The following SPPL2A variants were observed in gnomAD, a reference collection of about 807,000 sequenced individuals.
SPPL2A encodes signal peptide peptidase like 2A, also known as signal peptide peptidase-like 2A.
SPPL2A carries 51 observed loss-of-function variants against 63.8 expected under a neutral mutation model. The ratio of observed to expected loss-of-function variants is 0.80; its 90% CI spans 0.64 to 1.01. The LOEUF (loss-of-function observed/expected upper bound fraction) is 1.01, where lower values mean the gene tolerates loss of function less well. SPPL2A is among the 50% of genes least tolerant of loss of function. SPPL2A has a pLI of 0.00. For synonymous variants in SPPL2A, 188 were observed against 205.8 expected (o/e 0.91, Z 0.74); for missense variants, 553 against 622.7 (o/e 0.89, Z 1.19).
rs577748529 is a variant in SPPL2A at position 50,750,887 on chromosome 15, A to C, written c.67-1141T>G. Among the ~76,000 whole-genome samples the C allele has an allele frequency of 3.3e-5, 5 of 152,364 alleles. 1 individual carries two copies. The South Asian group carries it at 1.0e-3, about 32-fold the overall frequency. Reference sequence around the variant, plus strand: ...AATGCTTGGCAAATGTTGATGTACTAAGCTTCTGCCACCAAAGCACATTAT... The same window carrying C: ...AATGCTTGGCAAATGTTGATGTACTCAGCTTCTGCCACCAAAGCACATTAT... On this transcript the variant is annotated intron_variant, in intron 1 of 14. Coordinates refer to ENST00000261854, the MANE Select transcript of SPPL2A (RefSeq NM_032802.4).
At chr15:50,761,808 C>T (rs2063013788) in intron 1 of SPPL2A, among the ~76,000 whole-genome samples, 1 of 151,048 alleles carries the variant, frequency 6.6e-6, no homozygotes. Flanking sequence ...TCACGACGTG[C>T]ACCTGTAATC....
At chr15:50,720,274 T>A (rs1156240909) in intron 13 of SPPL2A, among the ~76,000 whole-genome samples, 174 bp from the exon 14 acceptor site, 1 of 152,182 alleles carries the variant, frequency 6.6e-6, no homozygotes, top group Non-Finnish European at 1.5e-5. Flanking sequence ...CTATGGAGCT[T>A]TTGAAAAATG....
chr15:50,711,035 T>G (rs529940997), intron 14 of SPPL2A, among the ~76,000 whole-genome samples: 43 of 152,308 alleles, frequency 2.8e-4, no homozygotes, highest in African/African-American at 1.0e-3. Flanking sequence ...GAAAAAAGTA[T>G]CTTTATTTGC....
chr15:50,713,263 TG>T (rs1411095302), intron 14 of SPPL2A, among the ~76,000 whole-genome samples: 2 of 151,344 alleles, frequency 1.3e-5, no homozygotes, highest in African/African-American at 4.9e-5. Flanking sequence ...TACTCTTTCC[TG>T]AGTATTTTTT....
intron 9 of SPPL2A, among the ~76,000 whole-genome samples, 177 bp downstream of exon 9, chr15:50,732,426 G>C (rs1019945964): frequency 3.3e-5 from 5 of 152,134 alleles, no homozygotes; most frequent in Non-Finnish European, 5.9e-5. Context: ...GCTTTTGGAA[G>C]AGATGAGAAA....
chr15:50,758,837 G>A (rs1053465224), intron 1 of SPPL2A, among the ~76,000 whole-genome samples: 16 of 152,162 alleles, frequency 1.1e-4, no homozygotes, highest in African/African-American at 2.4e-4. Context: ...TTTCATAAAC[G>A]GACCAAATTC....
At chr15:50,763,641 G>A (rs1185932018) in intron 1 of SPPL2A, among the ~76,000 whole-genome samples, 4 of 152,206 alleles carry the variant, frequency 2.6e-5, no homozygotes, top group Non-Finnish European at 5.9e-5. Context: ...GCTCACGCCT[G>A]TAATCCCAGC....
In SPPL2A at chr15:50,707,353, G is replaced by A. The variant is rs978177217; in HGVS notation, c.*447C>T. 8 of 152,970 alleles carry A rather than the reference G, an allele frequency of 5.2e-5. No homozygotes were observed. The highest frequency in any genetic ancestry group is 2.1e-4 in the South Asian group (1 of 4,868). The allele number at this position is 152,970 out of a possible 1,614,324, so 9.5% of individuals were successfully genotyped here. ...AGGATGGTCTCGATCTCCTGACCTCGTGATCCGCCCGCCTTGGCCTCCCAA... is the reference window on the plus strand; with the variant it reads ...AGGATGGTCTCGATCTCCTGACCTCATGATCCGCCCGCCTTGGCCTCCCAA... On this transcript the variant is annotated 3_prime_UTR_variant, in exon 15 of 15. Transcript: ENST00000261854.
chr15:50,738,714 T>G lies in SPPL2A; in HGVS notation c.733+966A>C, dbSNP rs1173628157. Among the ~76,000 whole-genome samples the G allele has an allele frequency of 3.9e-5, 6 of 152,092 alleles. No individual in the cohort carries two copies. The East Asian group carries it at 1.2e-3, about 29-fold the overall frequency. Reference sequence around the variant, plus strand: ...ACTCCTTTTACCCTGGTCTCCCTTCTCTTTGTGCTGTATACTGTCCAGGGA... The same window carrying G: ...ACTCCTTTTACCCTGGTCTCCCTTCGCTTTGTGCTGTATACTGTCCAGGGA... On this transcript the variant is annotated intron_variant, in intron 6 of 14. Transcript: ENST00000261854.
intron 4 of SPPL2A, 87 bp downstream of exon 4, chr15:50,748,026 T>C (rs2062873050): frequency 1.2e-5 from 7 of 584,536 alleles, no homozygotes; most frequent in Non-Finnish European, 1.6e-5. Context: ...ATGGAGCAAA[T>C]ATAACACTCA....
chr15:50,709,076 T>C (rs1336553285), intron 14 of SPPL2A, among the ~76,000 whole-genome samples: 2 of 151,746 alleles, frequency 1.3e-5, no homozygotes, highest in Non-Finnish European at 2.9e-5. Flanking sequence ...TTTTCTCAAA[T>C]GGTCACTTCA....
chr15:50,720,766 C>T (rs1196361938), intron 13 of SPPL2A, among the ~76,000 whole-genome samples: 5 of 151,928 alleles, frequency 3.3e-5, no homozygotes, highest in East Asian at 1.9e-4. Context: ...GTGATCCACC[C>T]GCTTCAGCCT....
At chr15:50,714,646 AAATT>A (rs1567149080) in intron 14 of SPPL2A, among the ~76,000 whole-genome samples, 1 of 149,420 alleles carries the variant, frequency 6.7e-6, no homozygotes, top group Non-Finnish European at 1.5e-5. Flanking sequence ...AAAAAAAAAA[AAATT>A]TTTTTTCTTG....
rs984610634 is a variant in SPPL2A at position 50,705,315 on chromosome 15, G to A, written c.*2485C>T. ...AGATCTTGCTACTGCACTCCAGCCT[G>A]GGTGACAGAGGGAGACTCCATTTCC... On this transcript the variant is annotated 3_prime_UTR_variant, in exon 15 of 15. Transcript: ENST00000261854. 2.0e-5 allele frequency: 3 copies of A among 149,470 alleles called. No homozygotes were observed. The highest frequency in any genetic ancestry group is 7.4e-5 in the African/African-American group (3 of 40,486). The allele number at this position is 149,470 out of a possible 1,614,324, so 9.3% of individuals were successfully genotyped here. A position where few individuals can be genotyped will look rare whatever the true frequency, so the allele number is the denominator to read the frequency against.
intron 10 of SPPL2A, among the ~76,000 whole-genome samples, chr15:50,727,093 G>A (rs2141031034): frequency 6.6e-6 from 1 of 152,308 alleles, no homozygotes; most frequent in African/African-American, 2.4e-5. Flanking sequence ...AGCCAAGTCT[G>A]TTGTGGAGAG....
chr15:50,751,795 C>G (rs1210692952), intron 1 of SPPL2A, among the ~76,000 whole-genome samples: 4 of 152,052 alleles, frequency 2.6e-5, no homozygotes, highest in Non-Finnish European at 5.9e-5. Context: ...TTCCTTCTAC[C>G]CTTACTGGCT....
In SPPL2A at chr15:50,719,955, T is replaced by G; in HGVS notation, c.1473A>C (p.Lys491Asn). Residue 491 changes from lysine (K) to asparagine (N), a missense_variant, in exon 14 of 15, where the codon AAA becomes AAC. Physicochemically the swap from Lys to Asn is moderately conservative, Grantham distance 94. Coordinates refer to ENST00000261854, the MANE Select transcript of SPPL2A (RefSeq NM_032802.4). ...WRRKEMKKFW[K>N]GNSYQMMDHL... ...AAGCACATACCTGATAGCTGTTACC[T>G]TTCCAGAACTTTTTCATTTCCTTAC... 6.2e-7 allele frequency: 1 copy of G among 1,612,324 alleles called. No individual in the cohort carries two copies.
In SPPL2A at chr15:50,705,884, G is replaced by A. The variant is rs1397962561; in HGVS notation, c.*1916C>T. 6.6e-6 allele frequency: 1 copy of A among 152,124 alleles called. No individual in the cohort carries two copies. Among genetic ancestry groups the A allele is most frequent in the African/African-American group, 2.4e-5 (1 of 41,428 alleles). 9.4% of individuals were successfully genotyped at this position (152,124 alleles called of 1,614,324 possible). ...TCACATATTTTATACATTATTTACA[G>A]AGAAATGAAAAATCCTGCTGCCTTT... On this transcript the variant is annotated 3_prime_UTR_variant, in exon 15 of 15. Transcript: ENST00000261854.
intron 5 of SPPL2A, among the ~76,000 whole-genome samples, chr15:50,744,500 T>C (rs2062843696): frequency 6.6e-6 from 1 of 152,206 alleles, no homozygotes; most frequent in Non-Finnish European, 1.5e-5. Context: ...TCTGGGCACA[T>C]TTTTTTCATT....
Sources: allele counts gnomAD v4.1 joint callset (sites outside exome capture counted in the v4.1 genomes callset), GRCh38; gene constraint gnomAD v4.1.1; transcripts MANE v1.5; gene names NCBI Gene and HGNC (gene_info 2026-07-23, HGNC 2026-07-21).